The following SCIN variants were observed in gnomAD, a reference collection of about 807,000 sequenced individuals.
The protein encoded by SCIN is adseverin.
SCIN carries 91 observed loss-of-function variants against 91.8 expected under a neutral mutation model. That is an observed-to-expected ratio of 0.99 (90% CI 0.84 to 1.18). The LOEUF (loss-of-function observed/expected upper bound fraction) is 1.18, where lower values mean the gene tolerates loss of function less well. SCIN is among the 50% of genes most tolerant of loss of function. The pLI is 0.00. For missense variants in SCIN, 1,087 were observed against 863.9 expected (o/e 1.26, Z -3.24); for synonymous variants, 367 against 312.6 (o/e 1.17, Z -1.84).
intron 3 of SCIN, among the ~76,000 whole-genome samples, chr7:12,602,738 C>T (rs1782984426): frequency 6.6e-6 from 1 of 152,164 alleles, no homozygotes; most frequent in Non-Finnish European, 1.5e-5. Context: ...ACCCTGCAGG[C>T]AGTCAGACCT....
chr7:12,614,550 C>T (rs1378240578), intron 4 of SCIN, among the ~76,000 whole-genome samples: 2 of 152,114 alleles, frequency 1.3e-5, no homozygotes, highest in African/African-American at 4.8e-5. Context: ...ATCCTGAAAG[C>T]ATCAAGTAGG....
chr7:12,596,698 T>G (rs63360060), intron 3 of SCIN, among the ~76,000 whole-genome samples: 3 of 139,372 alleles, frequency 2.2e-5, no homozygotes, highest in Non-Finnish European at 4.7e-5. Context: ...TTTTTTTTTT[T>G]GGTTTGGCAA....
chr7:12,581,317 A>G, intron 3 of SCIN, 96 bp downstream of exon 3: 1 of 1,301,450 alleles, frequency 7.7e-7, no homozygotes, highest in Non-Finnish European at 1.1e-6. Context: ...CACTTTTTCT[A>G]CACACCAGAA....
intron 8 of SCIN, 115 bp downstream of exon 8, chr7:12,626,914 A>G: frequency 2.2e-6 from 2 of 891,436 alleles, no homozygotes; most frequent in Non-Finnish European, 3.4e-6. Flanking sequence ...ACATGGTGAA[A>G]CCCCACCTCT....
intron 4 of SCIN, among the ~76,000 whole-genome samples, chr7:12,619,962 T>C (rs561325542): frequency 7.2e-5 from 11 of 152,122 alleles, no homozygotes; most frequent in African/African-American, 2.4e-4. Context: ...AAAATATAAA[T>C]CTTTTTTATT....
intron 12 of SCIN, 84 bp from the exon 13 acceptor site, chr7:12,644,500 G>A: frequency 6.5e-7 from 1 of 1,546,308 alleles, no homozygotes; most frequent in South Asian, 1.2e-5. Context: ...CTGAAATCAA[G>A]GTGAGATAAT....
chr7:12,649,603 C>A, intron 14 of SCIN, 59 bp downstream of exon 14: 3 of 1,139,666 alleles, frequency 2.6e-6, no homozygotes, highest in East Asian at 2.5e-5. Context: ...GATGACAGAA[C>A]TTGATCTGAG....
chr7:12,579,080 A>G (rs1397097807), intron 2 of SCIN, among the ~76,000 whole-genome samples: 2 of 151,506 alleles, frequency 1.3e-5, no homozygotes, highest in Non-Finnish European at 1.5e-5. Flanking sequence ...TGTTCTGCAC[A>G]CCCCACTGCC....
At chr7:12,627,876 T>G (rs1783560482) in intron 8 of SCIN, among the ~76,000 whole-genome samples, 1 of 152,142 alleles carries the variant, frequency 6.6e-6, no homozygotes, top group Admixed American at 6.5e-5. Context: ...TCTCGGATCT[T>G]GTGCTCTCTC....
At chr7:12,643,776 G>A (rs562331537) in intron 11 of SCIN, among the ~76,000 whole-genome samples, 15 of 152,192 alleles carry the variant, frequency 9.9e-5, no homozygotes, top group South Asian at 2.1e-4. Flanking sequence ...TTCCTCCTCC[G>A]TCTCAGCTGC....
Position 12,652,802 on chromosome 7 carries a change from A to G in SCIN, c.*87A>G, listed in dbSNP as rs1307910151. On this transcript the variant is annotated 3_prime_UTR_variant, in exon 16 of 16. Coordinates refer to ENST00000297029, the MANE Select transcript of SCIN (RefSeq NM_001112706.3). ...GAGGAACGGGAAAAGCTTTTTGCTT[A>G]TTTGTCTTTTGAAAATTAAGGCTGG... The G allele has an allele frequency of 6.5e-7, 1 of 1,531,632 alleles. No individual in the cohort carries two copies. Among genetic ancestry groups the G allele is most frequent in the Non-Finnish European group, 8.8e-7 (1 of 1,141,454 alleles). The allele number at this position is 1,531,632 out of a possible 1,614,324, so 94.9% of individuals were successfully genotyped here. A position where few individuals can be genotyped will look rare whatever the true frequency, so the allele number is the denominator to read the frequency against.
At chr7:12,595,578 G>A in intron 3 of SCIN, 1 of 151,914 alleles carries the variant, frequency 6.6e-6, no homozygotes, top group Non-Finnish European at 1.5e-5. Context: ...CTGGATAGGG[G>A]CAATGGTTGA....
intron 2 of SCIN, 38 bp from the exon 3 acceptor site, chr7:12,581,022 C>G (rs2115211220): frequency 3.2e-6 from 5 of 1,541,764 alleles, no homozygotes; most frequent in Non-Finnish European, 3.5e-6. Flanking sequence ...TCAGTTTTCT[C>G]TTTGTTTTTT....
intron 3 of SCIN, among the ~76,000 whole-genome samples, chr7:12,582,045 C>T (rs1163379084): frequency 6.6e-6 from 1 of 152,194 alleles, no homozygotes; most frequent in African/African-American, 2.4e-5. Context: ...TACATCTCAA[C>T]ATTCTAATTA....
intron 1 of SCIN, chr7:12,571,269 C>T (rs912506293): frequency 1.7e-5 from 8 of 468,654 alleles, no homozygotes; most frequent in African/African-American, 2.0e-5. Flanking sequence ...CTGGCTTCTT[C>T]CCCTTTCACC....
intron 9 of SCIN, among the ~76,000 whole-genome samples, chr7:12,635,337 C>A (rs1466200307): frequency 2.7e-5 from 4 of 150,326 alleles, no homozygotes; most frequent in African/African-American, 9.8e-5. Context: ...GCTGGCTGGG[C>A]GCGGTGGCTC....
intron 2 of SCIN, among the ~76,000 whole-genome samples, chr7:12,578,753 G>A (rs1782424745): frequency 6.6e-6 from 1 of 151,826 alleles, no homozygotes; most frequent in African/African-American, 2.4e-5. Flanking sequence ...TGAAAATTTT[G>A]AGCTTAAAAT....
intron 4 of SCIN, among the ~76,000 whole-genome samples, chr7:12,617,621 G>A (rs886132344): frequency 6.6e-6 from 1 of 152,130 alleles, no homozygotes; most frequent in East Asian, 1.9e-4. Flanking sequence ...CAGGGGAGAT[G>A]TGTTCTAACA....
chr7:12,629,603 G>C (rs1783602306), intron 9 of SCIN, among the ~76,000 whole-genome samples: 1 of 152,144 alleles, frequency 6.6e-6, no homozygotes, highest in South Asian at 2.1e-4. Context: ...GAACTGCAAA[G>C]TTGCAATATG....
Sources: allele counts gnomAD v4.1 joint callset (sites outside exome capture counted in the v4.1 genomes callset), GRCh38; gene constraint gnomAD v4.1.1; transcripts MANE v1.5; gene names NCBI Gene and HGNC (gene_info 2026-07-23, HGNC 2026-07-21).